Variants in DPP10 observed in about 807,000 individuals in gnomAD.
The protein encoded by DPP10 is inactive dipeptidyl peptidase 10.
In DPP10, 33 loss-of-function variants were observed where a neutral mutation model predicts 120.9. That is an observed-to-expected ratio of 0.27 (90% CI 0.21 to 0.37). The LOEUF is 0.37. DPP10 is among the 10% of genes least tolerant of loss of function. The pLI is 1.00. For synonymous variants in DPP10, 337 were observed against 326.1 expected (o/e 1.03, Z -0.36); for missense variants, 816 against 942.8 (o/e 0.87, Z 1.76).
chr2:115,171,777 A>T (rs1015430364), intron 1 of DPP10, among the ~76,000 whole-genome samples: 1 of 151,802 alleles, frequency 6.6e-6, no homozygotes, highest in Admixed American at 6.6e-5. Flanking sequence ...GGCAAGGCTC[A>T]TTTGACATTT....
intron 1 of DPP10, among the ~76,000 whole-genome samples, chr2:114,724,561 G>A (rs1284324829): frequency 6.6e-6 from 1 of 152,182 alleles, no homozygotes; most frequent in East Asian, 1.9e-4. Flanking sequence ...TATGAGGAGA[G>A]TCAAGCACAT....
intron 1 of DPP10, among the ~76,000 whole-genome samples, chr2:114,593,516 G>A (rs921621048): frequency 4.4e-4 from 67 of 152,040 alleles, no homozygotes; most frequent in African/African-American, 1.6e-3. Context: ...CTAAATCCCC[G>A]CAAATCTCCC....
intron 1 of DPP10, among the ~76,000 whole-genome samples, chr2:115,261,991 C>T (rs2059271515): frequency 6.6e-6 from 1 of 152,148 alleles, no homozygotes; most frequent in Admixed American, 6.5e-5. Context: ...TGCCACATGC[C>T]ATCTCCCTCC....
chr2:115,792,820 A>G (rs982177029), intron 19 of DPP10, among the ~76,000 whole-genome samples: 3 of 152,204 alleles, frequency 2.0e-5, no homozygotes, highest in Non-Finnish European at 4.4e-5. Flanking sequence ...AAACTTTCTC[A>G]AGGAAGGGAC....
At chr2:115,663,699 A>G (rs753074959) in intron 5 of DPP10, among the ~76,000 whole-genome samples, 2 of 152,156 alleles carry the variant, frequency 1.3e-5, no homozygotes, top group East Asian at 1.9e-4. Flanking sequence ...TCTTATATCT[A>G]CATATAATAC....
At chr2:114,635,736 T>C (rs1026361635) in intron 1 of DPP10, among the ~76,000 whole-genome samples, 10 of 151,904 alleles carry the variant, frequency 6.6e-5, no homozygotes, top group African/African-American at 2.4e-4. Context: ...AGACTTTTTA[T>C]TGATGTGAGT....
At chr2:115,740,031 C>A in intron 9 of DPP10, 138 bp downstream of exon 9, 1 of 902,090 alleles carries the variant, frequency 1.1e-6, no homozygotes, top group Non-Finnish European at 1.7e-6. Flanking sequence ...TCATCACTTT[C>A]GATCTCCCAG....
chr2:115,426,804 A>G (rs556377858), intron 3 of DPP10, among the ~76,000 whole-genome samples: 2 of 152,338 alleles, frequency 1.3e-5, no homozygotes, highest in South Asian at 4.1e-4. Context: ...AAATACAATC[A>G]TGCCTTCCCA....
chr2:114,890,781 T>C (rs1692476431), intron 1 of DPP10, among the ~76,000 whole-genome samples: 1 of 152,232 alleles, frequency 6.6e-6, no homozygotes, highest in Non-Finnish European at 1.5e-5. Context: ...TATTGAGAAT[T>C]GTCTATGTTT....
chr2:115,559,098 A>G lies in DPP10; in HGVS notation c.441+33126A>G, dbSNP rs186617519. Among the ~76,000 whole-genome samples the G allele has an allele frequency of 2.1e-4, 32 of 152,344 alleles. 1 individual carries two copies. The East Asian group carries it at 6.2e-3, about 29-fold the overall frequency. The stretch of plus-strand genomic sequence containing the variant: ...TATCTGAATTTCAAAAAGTATTTTT[A>G]TATTTAATTTGTTCCCCAAATACTT... On this transcript the variant is annotated intron_variant, in intron 5 of 25. Coordinates refer to ENST00000410059, the MANE Select transcript of DPP10 (RefSeq NM_020868.6).
At chr2:115,614,832 G>A (rs971625128) in intron 5 of DPP10, among the ~76,000 whole-genome samples, 1 of 152,162 alleles carries the variant, frequency 6.6e-6, no homozygotes, top group Non-Finnish European at 1.5e-5. Flanking sequence ...GATCATCTCT[G>A]AGATATTTTT....
chr2:114,690,984 T>G (rs933099565), intron 1 of DPP10, among the ~76,000 whole-genome samples: 1 of 152,004 alleles, frequency 6.6e-6, no homozygotes, highest in Non-Finnish European at 1.5e-5. Flanking sequence ...TGAGGAGGTA[T>G]TCTAAATATA....
intron 1 of DPP10, among the ~76,000 whole-genome samples, chr2:114,534,240 CT>C: frequency 6.6e-6 from 1 of 152,066 alleles, no homozygotes; most frequent in Admixed American, 6.6e-5. Flanking sequence ...CTTTATGTTC[CT>C]TTTTTTGGTC....
rs185645527 is a variant in DPP10 at position 115,571,887 on chromosome 2, G to A, written c.441+45915G>A. On this transcript the variant is annotated intron_variant, in intron 5 of 25. Transcript: ENST00000410059. ...TGTGTGTTTTATGAAGTAAAATTAT[G>A]CAGTCCTGAAGGGAATATAAAGCAA... Among the ~76,000 whole-genome samples, 930 of 151,666 alleles carry A rather than the reference G, an allele frequency of 6.1e-3. 32 individuals carry two copies. Among genetic ancestry groups the A allele is most frequent in the Admixed American group, 0.057 (873 of 15,216 alleles).
intron 1 of DPP10, among the ~76,000 whole-genome samples, chr2:115,167,866 A>G (rs2053017051): frequency 6.6e-6 from 1 of 152,180 alleles, no homozygotes; most frequent in African/African-American, 2.4e-5. Flanking sequence ...TCTACTCTGT[A>G]AGAAGTCAGG....
intron 1 of DPP10, among the ~76,000 whole-genome samples, chr2:114,970,489 T>C (rs908399143): frequency 1.3e-5 from 2 of 152,160 alleles, no homozygotes; most frequent in Non-Finnish European, 1.5e-5. Flanking sequence ...GTTTGCCACA[T>C]TGAGGAGAAA....
At chr2:115,339,221 T>C (rs1028995774) in intron 2 of DPP10, among the ~76,000 whole-genome samples, 1 of 152,118 alleles carries the variant, frequency 6.6e-6, no homozygotes, top group African/African-American at 2.4e-5. Context: ...ATGTTCAACC[T>C]CATTAGCTAC....
chr2:115,332,637 T>C (rs1159802904), intron 2 of DPP10, among the ~76,000 whole-genome samples: 1 of 152,190 alleles, frequency 6.6e-6, no homozygotes, highest in African/African-American at 2.4e-5. Context: ...TTTGTTCTCA[T>C]TGGTTTCAAA....
At chr2:115,169,738 G>A (rs2053174775) in intron 1 of DPP10, among the ~76,000 whole-genome samples, 3 of 152,040 alleles carry the variant, frequency 2.0e-5, no homozygotes, top group Admixed American at 6.6e-5. Flanking sequence ...AATCAAAACC[G>A]ACTTTACATT....
Sources: gnomAD v4.1 joint callset for allele counts (sites outside exome capture counted in the v4.1 genomes callset) on GRCh38, gnomAD v4.1.1 for gene constraint, MANE v1.5 for transcripts, NCBI Gene and HGNC (gene_info 2026-07-23, HGNC 2026-07-21) for gene names.